Variants in CRY1 observed in about 807,000 individuals in gnomAD.
CRY1 encodes the protein cryptochrome-1.
Under a neutral mutation model 76.0 loss-of-function variants are expected in CRY1, and 45 were observed. The observed-to-expected ratio is 0.59, with a 90% confidence interval of 0.47 to 0.76. The LOEUF is 0.76. Among genes scored for constraint, CRY1 ranks in the 30% least tolerant of loss-of-function variants. The pLI is 0.00. For synonymous variants in CRY1, 248 were observed against 244.0 expected (o/e 1.02, Z -0.15); for missense variants, 587 against 716.4 (o/e 0.82, Z 2.06).
chr12:107,009,290 G>A (rs1952410731), intron 2 of CRY1, among the ~76,000 whole-genome samples: 1 of 151,886 alleles, frequency 6.6e-6, no homozygotes, highest in Non-Finnish European at 1.5e-5. Context: ...ACACCAGTGA[G>A]CTCTTTGGGA....
At chr12:107,087,587 G>A (rs966367811) in intron 1 of CRY1, among the ~76,000 whole-genome samples, 3 of 152,204 alleles carry the variant, frequency 2.0e-5, no homozygotes, top group African/African-American at 7.2e-5. Flanking sequence ...TTTACCCAAT[G>A]TCTGTTCCAC....
chr12:107,069,421 T>TC (rs1953151598), intron 1 of CRY1, among the ~76,000 whole-genome samples: 1 of 150,442 alleles, frequency 6.6e-6, no homozygotes, highest in African/African-American at 2.4e-5. Flanking sequence ...TCAATAATAG[T>TC]CATTTTGGTG....
intron 2 of CRY1, among the ~76,000 whole-genome samples, chr12:107,014,902 G>A (rs1952482955): frequency 6.6e-6 from 1 of 151,922 alleles, no homozygotes; most frequent in Non-Finnish European, 1.5e-5. Flanking sequence ...TTTTTAGACA[G>A]AGTCACACTC....
intron 1 of CRY1, among the ~76,000 whole-genome samples, chr12:107,069,446 T>C (rs974101876): frequency 9.3e-5 from 14 of 149,746 alleles, no homozygotes; most frequent in Admixed American, 4.7e-4. Flanking sequence ...TGAAGTGGTA[T>C]TGCACTGTGG....
At chr12:107,041,739 C>T (rs977489098) in intron 1 of CRY1, among the ~76,000 whole-genome samples, 4 of 138,942 alleles carry the variant, frequency 2.9e-5, no homozygotes, top group Non-Finnish European at 4.5e-5. Flanking sequence ...CCTATTTTTA[C>T]GCTAGATGAA....
intron 1 of CRY1, among the ~76,000 whole-genome samples, chr12:107,032,497 A>T (rs1051800832): frequency 2.2e-5 from 3 of 137,900 alleles, no homozygotes; most frequent in Non-Finnish European, 4.8e-5. Context: ...GTGCTCTGAG[A>T]TAACTGTTAC....
chr12:106,993,122 G>A (rs532994116), intron 10 of CRY1, 86 bp from the exon 11 acceptor site: 8 of 1,279,436 alleles, frequency 6.3e-6, no homozygotes, highest in Non-Finnish European at 8.9e-6. Context: ...AACTTTTAGC[G>A]CTTGTACTTA....
chr12:107,027,878 T>TA (rs1363589771), intron 1 of CRY1, among the ~76,000 whole-genome samples: 1 of 152,164 alleles, frequency 6.6e-6, no homozygotes, highest in African/African-American at 2.4e-5. Flanking sequence ...AAGGCAATGG[T>TA]AAGATACAAC....
At chr12:107,023,269 A>G (rs1397388375) in intron 1 of CRY1, among the ~76,000 whole-genome samples, 2 of 152,186 alleles carry the variant, frequency 1.3e-5, no homozygotes, top group Non-Finnish European at 2.9e-5. Context: ...AAATTCTAGA[A>G]GTGCACTATC....
At position 106,998,045 on chromosome 12, in the gene CRY1, C is replaced by T. The variant is rs766702421; in HGVS notation, c.1159G>A (p.Asp387Asn). ...CCAGCATTTATGCTCCAATCTGCAT[C>T]AAGCAATAATTCTTCAAATACCTTC... ...GMKVFEELLLDADWSINAGSW... is the reference protein window; with the variant it reads ...GMKVFEELLLNADWSINAGSW... Residue 387 changes from aspartate (D) to asparagine (N), a missense_variant, in exon 8 of 13, where the codon GAT becomes AAT. Transcript: ENST00000008527. 1 of 1,614,058 alleles carries T rather than the reference C, an allele frequency of 6.2e-7. No homozygotes were observed. The highest frequency in any genetic ancestry group is 8.5e-7 in the Non-Finnish European group (1 of 1,179,986).
intron 2 of CRY1, among the ~76,000 whole-genome samples, chr12:107,016,373 A>G (rs1336362428): frequency 1.3e-5 from 2 of 152,178 alleles, no homozygotes; most frequent in African/African-American, 4.8e-5. Flanking sequence ...CAATTTTAAA[A>G]AAAAGTTCTT....
chr12:106,993,255 T>C (rs188089490), intron 10 of CRY1, among the ~76,000 whole-genome samples: 3 of 151,908 alleles, frequency 2.0e-5, no homozygotes, highest in African/African-American at 4.8e-5. Context: ...GGAAAAATCA[T>C]TGATGATCAT....
chr12:107,051,433 A>C (rs1311029208), intron 1 of CRY1, among the ~76,000 whole-genome samples: 1 of 152,212 alleles, frequency 6.6e-6, no homozygotes, highest in African/African-American at 2.4e-5. Flanking sequence ...TCTTTCAATC[A>C]ACATTTGGGT....
chr12:107,060,883 C>A (rs1953038606), intron 1 of CRY1, among the ~76,000 whole-genome samples: 1 of 152,066 alleles, frequency 6.6e-6, no homozygotes, highest in South Asian at 2.1e-4. Flanking sequence ...GAGGGTGAGG[C>A]AGGAGAATGG....
At chr12:107,064,342 AATAAGTAC>A (rs752724643) in intron 1 of CRY1, among the ~76,000 whole-genome samples, 33 of 152,230 alleles carry the variant, frequency 2.2e-4, no homozygotes, top group Non-Finnish European at 3.4e-4. Flanking sequence ...ATAGATGGAA[AATAAGTAC>A]ATTAAAACAG....
Position 107,012,353 on chromosome 12 carries a change from T to C in CRY1, c.268-7105A>G, listed in dbSNP as rs12302149. ...CCCTTGAGAACTATGCTAAATCTAC[T>C]CTGCCTGTGCAGAACAGGAACAACA... is the stretch of plus-strand genomic sequence containing the variant. On this transcript the variant is annotated intron_variant, in intron 2 of 12. Transcript: ENST00000008527. 8.5e-3 allele frequency among the ~76,000 whole-genome samples: 1,293 copies of C among 152,286 alleles called. 22 individuals are homozygous for C. The highest frequency in any genetic ancestry group is 0.03 in the African/African-American group (1,234 of 41,554).
chr12:107,074,069 C>T (rs976028973), intron 1 of CRY1, among the ~76,000 whole-genome samples: 1 of 152,142 alleles, frequency 6.6e-6, no homozygotes, highest in Non-Finnish European at 1.5e-5. Context: ...TTCCAAAAAC[C>T]TACATGTCAC....
In CRY1 at chr12:106,999,603, G is replaced by A; in HGVS notation, c.1085C>T (p.Ala362Val). 6.2e-7 allele frequency: 1 copy of A among 1,614,162 alleles called. No individual in the cohort carries two copies. Among genetic ancestry groups the A allele is most frequent in the Non-Finnish European group, 8.5e-7 (1 of 1,180,022 alleles). ...CAGGTCCCCTCGTGTCAGGAAGCAA[G>A]CAACTGCATGCCTGGCTAGATGATG... is the stretch of plus-strand genomic sequence containing the variant. ...WIHHLARHAV[A>V]CFLTRGDLWI... is the part of the protein sequence containing the mutation. Residue 362 changes from alanine to valine, a missense_variant, in exon 7 of 13, where the codon GCT becomes GTT. By Grantham distance (64) the Ala-to-Val change is moderately conservative. Transcript: ENST00000008527.
intron 1 of CRY1, among the ~76,000 whole-genome samples, chr12:107,039,658 AGGC>A (rs1267661096): frequency 6.6e-6 from 1 of 152,214 alleles, no homozygotes; most frequent in Non-Finnish European, 1.5e-5. Context: ...AAAAAATAAA[AGGC>A]AATGTGTTGG....
Sources: gnomAD v4.1 joint callset for allele counts (sites outside exome capture counted in the v4.1 genomes callset) on GRCh38, gnomAD v4.1.1 for gene constraint, MANE v1.5 for transcripts, NCBI Gene and HGNC (gene_info 2026-07-23, HGNC 2026-07-21) for gene names.